The following TCF7L1 variants were observed in gnomAD, a reference collection of about 807,000 sequenced individuals.
The protein encoded by TCF7L1 is transcription factor 7-like 1.
In TCF7L1, 18 loss-of-function variants were observed where a neutral mutation model predicts 63.7. The observed-to-expected ratio is 0.28, with a 90% CI of 0.20 to 0.42. The LOEUF (loss-of-function observed/expected upper bound fraction) is 0.42. Among genes scored for constraint, TCF7L1 ranks in the 10% least tolerant of loss-of-function variants. The probability of loss-of-function intolerance (pLI) is 1.00; values close to 1 mark genes in which losing one functional copy is unlikely to be tolerated. For missense variants in TCF7L1, 654 were observed against 779.3 expected (o/e 0.84, Z 1.91); for synonymous variants, 355 against 340.9 (o/e 1.04, Z -0.46).
rs10206576 is a variant in TCF7L1 at position 85,205,884 on chromosome 2, G to T, written c.441+71434G>T. On this transcript the variant is annotated intron_variant, in intron 3 of 11. Coordinates refer to ENST00000282111, the MANE Select transcript of TCF7L1 (RefSeq NM_031283.3). ...CACACCTGTGCTTCTTTAAAACAGTGGACTTGATGGAAAAATTGAATGTTA... is the reference window on the plus strand; with the variant it reads ...CACACCTGTGCTTCTTTAAAACAGTTGACTTGATGGAAAAATTGAATGTTA... 2.1e-3 allele frequency among the ~76,000 whole-genome samples: 327 copies of T among 152,284 alleles called. 4 individuals are homozygous for T. The highest frequency in any genetic ancestry group is 7.6e-3 in the African/African-American group (318 of 41,570).
chr2:85,172,978 A>G (rs1458607078), intron 3 of TCF7L1, among the ~76,000 whole-genome samples: 1 of 152,140 alleles, frequency 6.6e-6, no homozygotes, highest in African/African-American at 2.4e-5. Flanking sequence ...TCACTGGTCT[A>G]CCCCAGCACC....
At chr2:85,182,861 C>A (rs1008131260) in intron 3 of TCF7L1, among the ~76,000 whole-genome samples, 2 of 152,164 alleles carry the variant, frequency 1.3e-5, no homozygotes, top group African/African-American at 4.8e-5. Flanking sequence ...CACCTGAGGA[C>A]TTGTGAAAAT....
rs962550502 is a variant in TCF7L1 at position 85,179,788 on chromosome 2, A to C, written c.441+45338A>C. On this transcript the variant is annotated intron_variant, in intron 3 of 11. Transcript: ENST00000282111. ...TTAGCACAAGGAATTTGATGAGCTA[A>C]GCATTTTCCACGGCAAGTGCATAAA... 2.0e-5 allele frequency among the ~76,000 whole-genome samples: 3 copies of C among 152,244 alleles called. No individual in the cohort carries two copies. In the East Asian group the frequency reaches 5.8e-4, roughly 29 times the overall value.
chr2:85,269,764 A>AC, intron 3 of TCF7L1, among the ~76,000 whole-genome samples: 1 of 152,276 alleles, frequency 6.6e-6, no homozygotes, highest in Middle Eastern at 3.4e-3. Context: ...AACTTCCTGC[A>AC]CCCTCCCTTC....
At chr2:85,178,569 G>T (rs963796829) in intron 3 of TCF7L1, among the ~76,000 whole-genome samples, 1 of 152,122 alleles carries the variant, frequency 6.6e-6, no homozygotes, top group African/African-American at 2.4e-5. Context: ...GCCCTTTCAC[G>T]CTCCCACTCA....
At chr2:85,155,138 T>C (rs1678114217) in intron 3 of TCF7L1, among the ~76,000 whole-genome samples, 2 of 152,116 alleles carry the variant, frequency 1.3e-5, no homozygotes, top group African/African-American at 4.8e-5. Context: ...CCAAGTAGCA[T>C]CTCATGGTGA....
At chr2:85,267,330 C>CAAA (rs1217663362) in intron 3 of TCF7L1, among the ~76,000 whole-genome samples, 14 of 44,134 alleles carry the variant, frequency 3.2e-4, no homozygotes, top group Admixed American at 5.4e-4. Flanking sequence ...GGCTCTGTCT[C>CAAA]AAAAAAAAAA....
intron 3 of TCF7L1, among the ~76,000 whole-genome samples, chr2:85,190,063 T>G (rs1452570740): frequency 6.6e-6 from 1 of 152,214 alleles, no homozygotes; most frequent in Non-Finnish European, 1.5e-5. Context: ...TGTGTACACC[T>G]CTTGGAGCCC....
chr2:85,134,075 C>G lies in TCF7L1; in HGVS notation c.309C>G (p.Ala103=), dbSNP rs750121496. 6.2e-7 allele frequency: 1 copy of G among 1,609,872 alleles called. No individual in the cohort carries two copies. The highest frequency in any genetic ancestry group is 1.1e-5 in the South Asian group (1 of 90,542). The change falls in exon 2 of 12, where the codon GCC becomes GCG. Residue 103 remains alanine, a synonymous_variant. Coordinates refer to ENST00000282111, the MANE Select transcript of TCF7L1 (RefSeq NM_031283.3). This position sits in a 1 kb window ranked among gnomAD's most constrained non-coding sequence, Gnocchi z 5.0. The part of the protein sequence containing the change: ...DTFQKPRDYF[A]EVRRPQDSAF... ...TCCAGAAGCCGCGGGACTATTTCGC[C>G]GAAGGTATGTGCCCGCTGGGACAGC...
chr2:85,146,534 T>A (rs1677884052), intron 3 of TCF7L1, among the ~76,000 whole-genome samples: 1 of 146,370 alleles, frequency 6.8e-6, no homozygotes, highest in Non-Finnish European at 1.5e-5. Flanking sequence ...GGAGTTTCGC[T>A]CTTGTTGCCC....
chr2:85,301,885 G>C (rs763566600), intron 4 of TCF7L1, among the ~76,000 whole-genome samples: 2 of 152,160 alleles, frequency 1.3e-5, no homozygotes, highest in African/African-American at 4.8e-5. Context: ...CAGCACCTTG[G>C]GAGGCCGAGG....
In TCF7L1 at chr2:85,289,457, G is replaced by T. The variant is rs183941071; in HGVS notation, c.525+5879G>T. On this transcript the variant is annotated intron_variant, in intron 4 of 11. Coordinates refer to ENST00000282111, the MANE Select transcript of TCF7L1 (RefSeq NM_031283.3). ...TTGGAAAATGGTCAGATATTCAGGG[G>T]TTTTTTAATGCAAATTTTAGCTGTT... is the stretch of plus-strand genomic sequence containing the variant. Among the ~76,000 whole-genome samples, 45 of 152,242 alleles carry T rather than the reference G, an allele frequency of 3.0e-4. 1 individual carries two copies. In the East Asian group the frequency reaches 8.1e-3, roughly 27 times the overall value.
intron 3 of TCF7L1, among the ~76,000 whole-genome samples, chr2:85,153,405 G>A (rs1430416653): frequency 7.4e-6 from 1 of 134,958 alleles, no homozygotes; most frequent in South Asian, 2.4e-4. Flanking sequence ...ACAGTGGCAC[G>A]ATCTTGGCTC....
chr2:85,237,980 C>T (rs770354258), intron 3 of TCF7L1, among the ~76,000 whole-genome samples: 1 of 152,086 alleles, frequency 6.6e-6, no homozygotes, highest in Non-Finnish European at 1.5e-5. Context: ...CAGGACCCAA[C>T]AGGTGGTGGC....
intron 3 of TCF7L1, among the ~76,000 whole-genome samples, chr2:85,247,057 C>T (rs1680483605): frequency 6.6e-6 from 1 of 152,180 alleles, no homozygotes; most frequent in African/African-American, 2.4e-5. Flanking sequence ...TTGTTTGCCC[C>T]ACTGGGTTTG....
intron 3 of TCF7L1, among the ~76,000 whole-genome samples, chr2:85,236,015 G>A (rs115394448): frequency 0.021 from 3,191 of 152,166 alleles, 122 homozygotes; most frequent in African/African-American, 0.072. Flanking sequence ...CAAAAAATTA[G>A]CCAGGCATGG....
chr2:85,186,005 C>T (rs184651716), intron 3 of TCF7L1, among the ~76,000 whole-genome samples: 62 of 130,002 alleles, frequency 4.8e-4, no homozygotes, highest in African/African-American at 1.7e-3. Flanking sequence ...CTCGCTCTGT[C>T]GCCTAGGCTG....
intron 3 of TCF7L1, among the ~76,000 whole-genome samples, chr2:85,253,843 C>G (rs1224810437): frequency 6.6e-6 from 1 of 152,220 alleles, no homozygotes; most frequent in Non-Finnish European, 1.5e-5. Flanking sequence ...AGCTGAGGCT[C>G]AGAAAGATTA....
chr2:85,235,757 C>T (rs1247608815), intron 3 of TCF7L1, among the ~76,000 whole-genome samples: 1 of 152,142 alleles, frequency 6.6e-6, no homozygotes, highest in Non-Finnish European at 1.5e-5. Context: ...CGGTGTGGCT[C>T]ATGCCTGTAA....
Sources: allele counts gnomAD v4.1 joint callset (sites outside exome capture counted in the v4.1 genomes callset), GRCh38; gene constraint gnomAD v4.1.1; non-coding constraint Gnocchi (gnomAD v3.1); transcripts MANE v1.5; gene names NCBI Gene and HGNC (gene_info 2026-07-23, HGNC 2026-07-21).